TMEM94: variants seen among roughly 807,000 people sequenced by gnomAD.
TMEM94 encodes the protein transmembrane protein 94.
Under a neutral mutation model 158.6 loss-of-function variants are expected in TMEM94, and 81 were observed. That is an observed-to-expected ratio of 0.51 (90% CI 0.43 to 0.61). The LOEUF (loss-of-function observed/expected upper bound fraction) is 0.61, where lower values mean the gene tolerates loss of function less well. Ranked by LOEUF, TMEM94 falls within the 20% of genes least tolerant of loss-of-function variation. The probability of loss-of-function intolerance (pLI) is 0.00; values close to 1 mark genes in which losing one functional copy is unlikely to be tolerated. For synonymous variants in TMEM94, 751 were observed against 730.7 expected, an observed-to-expected ratio of 1.03 and a Z score of -0.45; for missense variants, 1,435 against 1,762.0, an observed-to-expected ratio of 0.81 and a Z score of 3.32.
chr17:75,499,442 C>T lies in TMEM94; in HGVS notation c.*108C>T, dbSNP rs2053097003. 1.0e-5 allele frequency: 11 copies of T among 1,096,038 alleles called. No individual in the cohort carries two copies. Among genetic ancestry groups the T allele is most frequent in the South Asian group, 1.4e-5 (1 of 72,078 alleles). The allele number at this position is 1,096,038 out of a possible 1,614,324, so 67.9% of individuals were successfully genotyped here. On this transcript the variant is annotated 3_prime_UTR_variant, in exon 32 of 32. Transcript: ENST00000314256. ...GAATGTTTCCAGGTTTGCTCCTGCACCCGTGGCACTGGAAACCCAGCTCCC... is the reference window on the plus strand; with the variant it reads ...GAATGTTTCCAGGTTTGCTCCTGCATCCGTGGCACTGGAAACCCAGCTCCC...
In TMEM94 at chr17:75,494,665, C is replaced by G. The variant is rs2052517809; in HGVS notation, c.2446C>G (p.Gln816Glu). 2 of 1,613,612 alleles carry G rather than the reference C, an allele frequency of 1.2e-6. No homozygotes were observed. Among genetic ancestry groups the G allele is most frequent in the Non-Finnish European group, 1.7e-6 (2 of 1,180,024 alleles). Residue 816 changes from glutamine to glutamate, a missense_variant, in exon 19 of 32, where the codon CAG (glutamine) becomes GAG (glutamate). This residue lies in a region of TMEM94 where 1,051 missense variants were observed against 1,254.4 expected (regional missense o/e 0.84). Coordinates refer to ENST00000314256, the MANE Select transcript of TMEM94 (RefSeq NM_014738.6). ...GEVLEKEDCM[Q>E]ALSGQIFMGM... ...GGTGCTGGAGAAGGAAGACTGCATG[C>G]AGGCCCTGAGCGGCCAGATCTTCAT...
intron 1 of TMEM94, among the ~76,000 whole-genome samples, chr17:75,467,282 T>C (rs2050339024): frequency 6.6e-6 from 1 of 151,840 alleles, no homozygotes; most frequent in East Asian, 1.9e-4. Context: ...GCCATGCTGT[T>C]TTTATACTAT....
intron 2 of TMEM94, among the ~76,000 whole-genome samples, chr17:75,478,067 G>A (rs1226272450): frequency 8.7e-6 from 1 of 115,558 alleles, no homozygotes; most frequent in Non-Finnish European, 1.7e-5. Flanking sequence ...CCAGGCTGGA[G>A]TGCAGTGGCG....
intron 1 of TMEM94, among the ~76,000 whole-genome samples, chr17:75,463,028 AAAAAAAAAAATATATATATATAT>A (rs1486309851): frequency 3.8e-3 from 44 of 11,638 alleles, no homozygotes; most frequent in Non-Finnish European, 4.9e-3. Context: ...AAAAAAAAAA[AAAAAAAAAAATATATATATATAT>A]ATATATATAT....
Position 75,485,517 on chromosome 17 carries a change from CAG to C in TMEM94, c.115_116del (p.Arg39GlyfsTer21). ...QLEAVLEGHL[R>X]ERKKCLTWKE... The stretch of plus-strand genomic sequence containing the variant: ...TGGAGGCAGTGCTGGAAGGACATCT[CAG>C]GGAGCGGAAGAAGTGTCTGACGTGG... On this transcript the variant is annotated frameshift_variant, in exon 3 of 32. Coordinates refer to ENST00000314256, the MANE Select transcript of TMEM94 (RefSeq NM_014738.6). LOFTEE classifies it high-confidence loss of function. The surrounding 1 kb of genome is among the most constrained non-coding windows in gnomAD (Gnocchi z 5.5). 2.5e-6 allele frequency: 4 copies of C among 1,614,176 alleles called. No homozygotes were observed. Among genetic ancestry groups the C allele is most frequent in the Admixed American group, 1.7e-5 (1 of 60,026 alleles).
intron 11 of TMEM94, 107 bp from the exon 12 acceptor site, chr17:75,490,942 C>A: frequency 9.9e-7 from 1 of 1,011,154 alleles, no homozygotes; most frequent in Non-Finnish European, 1.5e-6. Context: ...AGAAGTGCCT[C>A]TCCACCCCAA....
intron 2 of TMEM94, among the ~76,000 whole-genome samples, chr17:75,478,572 G>A (rs1442669987): frequency 6.6e-6 from 1 of 152,134 alleles, no homozygotes; most frequent in African/African-American, 2.4e-5. Context: ...GATGGATAGA[G>A]TTCTTTCACC....
intron 7 of TMEM94, 77 bp downstream of exon 7, chr17:75,488,987 C>A (rs111399364): frequency 0.036 from 52,566 of 1,468,736 alleles, 1,372 homozygotes; most frequent in South Asian, 0.097. Flanking sequence ...AGGAAGGGGC[C>A]CCGTTCATCT....
At chr17:75,476,704 G>A in intron 2 of TMEM94, 1 of 1,535,740 alleles carries the variant, frequency 6.5e-7, no homozygotes, top group Non-Finnish European at 8.7e-7. Flanking sequence ...TCTTTAAGCA[G>A]GCAGAGCTAT....
At chr17:75,493,454 G>T in intron 16 of TMEM94, 37 bp from the exon 17 acceptor site, 2 of 1,595,692 alleles carry the variant, frequency 1.3e-6, no homozygotes, top group Non-Finnish European at 1.7e-6. Context: ...TGAGGGGGCT[G>T]GTTAGCGACA....
rs1297252008 is a variant in TMEM94 at position 75,497,845 on chromosome 17, C to T, written c.3472C>T (p.Gln1158Ter). Residue 1158 changes from glutamine to a stop codon, truncating the protein, a stop_gained, in exon 27 of 32, where the codon CAG becomes TAG. Coordinates refer to ENST00000314256, the MANE Select transcript of TMEM94 (RefSeq NM_014738.6). LOFTEE classifies it high-confidence loss of function. ...IMSMATGKNLQSIPKKTQHYF... is the reference protein window; with the variant it reads ...IMSMATGKNL The stretch of plus-strand genomic sequence containing the variant: ...GTCTATGGCAACGGGGAAAAACCTC[C>T]AGTCCATTCCCAAGAAGGTAAGCAA... 2 of 1,613,854 alleles carry T rather than the reference C, an allele frequency of 1.2e-6. No individual in the cohort carries two copies. Among genetic ancestry groups the T allele is most frequent in the Non-Finnish European group, 1.7e-6 (2 of 1,179,886 alleles).
rs187212144 is a variant in TMEM94, at chr17:75,495,694, C to G, written c.2944+51C>G. 41 of 1,563,436 alleles carry G rather than the reference C, an allele frequency of 2.6e-5. No homozygotes were observed. In the East Asian group the frequency reaches 9.2e-4, roughly 35 times the overall value. On this transcript the variant is annotated intron_variant, in intron 22 of 31. Transcript: ENST00000314256. This position sits in a 1 kb window ranked among gnomAD's most constrained non-coding sequence, Gnocchi z 5.6. ...GGGCAACCTGGTCCCGTCGGCTGAG[C>G]TCTGCCTGGGCCTGCGTACCCCGTG... is the stretch of plus-strand genomic sequence containing the variant.
chr17:75,475,592 C>T (rs1056414749), intron 2 of TMEM94, among the ~76,000 whole-genome samples: 4 of 152,248 alleles, frequency 2.6e-5, no homozygotes, highest in Admixed American at 6.5e-5. Context: ...GTCAAACTCG[C>T]GGTCCCTGAA....
At chr17:75,490,812 TG>T (rs1204808038) in intron 11 of TMEM94, 54 bp downstream of exon 11, 22 of 1,518,450 alleles carry the variant, frequency 1.4e-5, no homozygotes, top group Admixed American at 1.0e-4. Context: ...GCCATAACCC[TG>T]GGACTCCCCT....
At chr17:75,467,539 T>C (rs2050348635) in intron 1 of TMEM94, among the ~76,000 whole-genome samples, 1 of 143,194 alleles carries the variant, frequency 7.0e-6, no homozygotes, top group South Asian at 2.2e-4. Context: ...TTTTTTTTTT[T>C]TTTTGAGACG....
intron 2 of TMEM94, among the ~76,000 whole-genome samples, chr17:75,481,116 C>T (rs1399025215): frequency 2.0e-5 from 3 of 152,238 alleles, no homozygotes; most frequent in African/African-American, 7.2e-5. Context: ...CCTTACAACC[C>T]TCCCTGAAGC....
intron 1 of TMEM94, among the ~76,000 whole-genome samples, chr17:75,470,847 A>G (rs1453581100): frequency 1.3e-5 from 2 of 151,986 alleles, no homozygotes; most frequent in East Asian, 1.9e-4. Context: ...TGAGCCCAGG[A>G]AGTGGAGGTT....
rs147708696 is a variant in TMEM94, at chr17:75,492,735, G to A, written c.1858G>A (p.Ala620Thr). 2.3e-4 allele frequency: 364 copies of A among 1,610,262 alleles called. 4 individuals are homozygous for A. The highest frequency in any genetic ancestry group is 1.3e-3 in the Middle Eastern group (8 of 6,062). The change falls in exon 15 of 32, where the codon GCC (alanine) becomes ACC (threonine). Residue 620 changes from alanine to threonine, a missense_variant. Physicochemically the swap from Ala to Thr is moderately conservative, Grantham distance 58. Around this residue, in one of 3 missense-constraint regions of TMEM94, gnomAD observed 1,051 missense variants for 1,254.4 expected, o/e 0.84. Transcript: ENST00000314256. The surrounding 1 kb of genome is among the most constrained non-coding windows in gnomAD (Gnocchi z 4.4). Reference sequence around the variant, plus strand: ...CATCGCCCTGCAAGAGAGCCACAGCGCCGTGCTGCCCGTCCATGTGCCCTG... The same window carrying A: ...CATCGCCCTGCAAGAGAGCCACAGCACCGTGCTGCCCGTCCATGTGCCCTG... ...CNIALQESHSAVLPVHVPWGL... is the reference protein window; with the variant it reads ...CNIALQESHSTVLPVHVPWGL...
intron 1 of TMEM94, among the ~76,000 whole-genome samples, chr17:75,460,670 A>T (rs956495558): frequency 2.0e-5 from 3 of 151,780 alleles, no homozygotes; most frequent in Admixed American, 6.6e-5. Context: ...ATGCCACCAC[A>T]CCTGGCTAAT....
Sources: allele counts gnomAD v4.1 joint callset (sites outside exome capture counted in the v4.1 genomes callset), GRCh38; gene constraint gnomAD v4.1.1; regional missense constraint gnomAD v4.1.1; non-coding constraint Gnocchi (gnomAD v3.1); transcripts MANE v1.5; gene names NCBI Gene and HGNC (gene_info 2026-07-23, HGNC 2026-07-21).